Variants in VPS13D observed in about 807,000 individuals in gnomAD.
The protein encoded by VPS13D is vacuolar protein sorting 13 homolog D.
A neutral mutation model predicts 461.9 loss-of-function variants in VPS13D; 187 were observed. That is an observed-to-expected ratio of 0.40 (90% CI 0.36 to 0.46). The LOEUF (loss-of-function observed/expected upper bound fraction) is 0.46. VPS13D is among the 20% of genes least tolerant of loss of function. The probability of loss-of-function intolerance (pLI) is 0.60; values close to 1 mark genes in which losing one functional copy is unlikely to be tolerated. For synonymous variants in VPS13D, 1,951 were observed against 1,986.3 expected, an observed-to-expected ratio of 0.98 and a Z score of 0.47; for missense variants, 4,711 against 5,364.9, an observed-to-expected ratio of 0.88 and a Z score of 3.81.
At chr1:12,329,019 C>T (rs994987643) in intron 36 of VPS13D, among the ~76,000 whole-genome samples, 11 of 152,098 alleles carry the variant, frequency 7.2e-5, no homozygotes, top group African/African-American at 2.7e-4. Context: ...TAGGGCACCA[C>T]CAGGGCTACT....
At chr1:12,306,734 T>C (rs1642575487) in intron 26 of VPS13D, among the ~76,000 whole-genome samples, 1 of 152,112 alleles carries the variant, frequency 6.6e-6, no homozygotes, top group Non-Finnish European at 1.5e-5. Context: ...CAGGGACCAG[T>C]TTCATGGAAG....
intron 13 of VPS13D, among the ~76,000 whole-genome samples, chr1:12,265,786 A>G (rs979913467): frequency 6.6e-6 from 1 of 152,220 alleles, no homozygotes; most frequent in South Asian, 2.1e-4. Flanking sequence ...ATAAAGAGTT[A>G]TTTCTTACAG....
chr1:12,310,173 G>A (rs549994316), intron 27 of VPS13D, among the ~76,000 whole-genome samples: 10 of 152,158 alleles, frequency 6.6e-5, no homozygotes, highest in African/African-American at 2.2e-4. Flanking sequence ...GCAGATAATT[G>A]TATTCTGTTA....
intron 65 of VPS13D, among the ~76,000 whole-genome samples, chr1:12,420,336 G>A (rs1252157408): frequency 6.6e-6 from 1 of 152,162 alleles, no homozygotes; most frequent in African/African-American, 2.4e-5. Flanking sequence ...AGAGGAGTTT[G>A]AGGAAGTACA....
At chr1:12,334,785 AAAT>A (rs1193812738) in intron 38 of VPS13D, among the ~76,000 whole-genome samples, 1 of 152,098 alleles carries the variant, frequency 6.6e-6, no homozygotes, top group East Asian at 1.9e-4. Flanking sequence ...ACCAAACAAA[AAAT>A]CTTCCAAAAG....
At chr1:12,365,659 G>A (rs976475746) in intron 52 of VPS13D, among the ~76,000 whole-genome samples, 3 of 150,720 alleles carry the variant, frequency 2.0e-5, no homozygotes, top group South Asian at 2.1e-4. Context: ...ACCCGAGATC[G>A]TGCCGTTGCA....
At chr1:12,231,640 C>T (rs564301356) in intron 1 of VPS13D, among the ~76,000 whole-genome samples, 1 of 152,178 alleles carries the variant, frequency 6.6e-6, no homozygotes, top group South Asian at 2.1e-4. Flanking sequence ...GTTTGGAGTC[C>T]CCATAGTAAG....
chr1:12,458,421 G>A (rs1299201243), intron 66 of VPS13D, among the ~76,000 whole-genome samples: 4 of 152,130 alleles, frequency 2.6e-5, no homozygotes, highest in African/African-American at 4.8e-5. Flanking sequence ...TTTGGGAAAG[G>A]GCTGGGTGCA....
rs1400320733 is a variant in VPS13D at position 12,505,393 on chromosome 1, G to A, written c.12795-1460G>A. 6.6e-6 allele frequency among the ~76,000 whole-genome samples: 1 copy of A among 152,232 alleles called. No individual in the cohort carries two copies. The highest frequency in any genetic ancestry group is 1.5e-5 in the Non-Finnish European group (1 of 68,046). On this transcript the variant is annotated intron_variant, in intron 68 of 69. Transcript: ENST00000620676. The surrounding 1 kb of genome is among the most constrained non-coding windows in gnomAD (Gnocchi z 4.2). ...GAGTGGCCTAAACACTGAAGGCTGC[G>A]GGTCTTTCTAATTTCAGCATTGAGA...
chr1:12,422,833 G>T (rs1245153058), intron 65 of VPS13D, among the ~76,000 whole-genome samples: 1 of 150,974 alleles, frequency 6.6e-6, no homozygotes, highest in Non-Finnish European at 1.5e-5. Context: ...TCCAAGTCCA[G>T]CTAATTTTGA....
In VPS13D at chr1:12,260,788, A is replaced by G; in HGVS notation, c.1206A>G (p.Leu402=). ...ATCGATTTCACAAACAGGAAGAACTAGCAGAGGTAAGAAATCCTCTACAAG... is the reference window on the plus strand; with the variant it reads ...ATCGATTTCACAAACAGGAAGAACTGGCAGAGGTAAGAAATCCTCTACAAG... ...VHDRFHKQEE[L]AESLREPQFD... is the part of the protein sequence containing the mutation. The change falls in exon 11 of 70, where the codon CTA becomes CTG. Residue 402 remains leucine, a synonymous_variant. Transcript: ENST00000620676. 6.2e-7 allele frequency: 1 copy of G among 1,614,152 alleles called. No homozygotes were observed. The highest frequency in any genetic ancestry group is 8.5e-7 in the Non-Finnish European group (1 of 1,179,970).
At chr1:12,367,639 A>G (rs1157496327) in intron 52 of VPS13D, 1 of 151,844 alleles carries the variant, frequency 6.6e-6, no homozygotes. Flanking sequence ...CAGTGGCACA[A>G]TCTCGGCTCC....
rs971198467 is a variant in VPS13D at position 12,426,405 on chromosome 1, T to G, written c.12333+9578T>G. ...AAGCCATTTCCTGAACTTCACTCCT[T>G]TAAGCATTTCTAAACAACTAGGATA... On this transcript the variant is annotated intron_variant, in intron 65 of 69. Transcript: ENST00000620676. Among the ~76,000 whole-genome samples the G allele has an allele frequency of 2.6e-5, 4 of 152,198 alleles. No individual in the cohort carries two copies. In the South Asian group the frequency reaches 8.3e-4, roughly 32 times the overall value.
At chr1:12,270,814 C>T (rs1337015483) in intron 16 of VPS13D, among the ~76,000 whole-genome samples, 180 bp from the exon 17 acceptor site, 3 of 152,060 alleles carry the variant, frequency 2.0e-5, no homozygotes. Context: ...CTCCTGGGCT[C>T]AGGCATCCTC....
chr1:12,334,100 G>T (rs980233033), intron 38 of VPS13D, among the ~76,000 whole-genome samples: 1 of 152,216 alleles, frequency 6.6e-6, no homozygotes, highest in Non-Finnish European at 1.5e-5. Flanking sequence ...TGGTGTGTAT[G>T]TTGGATTGAG....
intron 50 of VPS13D, 128 bp from the exon 51 acceptor site, chr1:12,362,592 A>G (rs530921709): frequency 1.9e-4 from 175 of 923,424 alleles, no homozygotes; most frequent in Admixed American, 2.6e-4. Flanking sequence ...AGAAGGTTCA[A>G]TATCCTCTGG....
intron 39 of VPS13D, chr1:12,336,374 C>T (rs1177310302): frequency 6.5e-6 from 1 of 152,702 alleles, no homozygotes; most frequent in Non-Finnish European, 1.5e-5. Context: ...AGCTTGCTCT[C>T]TATTGATGAT....
At chr1:12,294,741 G>A (rs1202425946) in intron 24 of VPS13D, among the ~76,000 whole-genome samples, 1 of 152,166 alleles carries the variant, frequency 6.6e-6, no homozygotes, top group Non-Finnish European at 1.5e-5. Context: ...GAACCTGGGA[G>A]GCGGAGGTTG....
intron 68 of VPS13D, among the ~76,000 whole-genome samples, chr1:12,501,922 T>C (rs1009269216): frequency 6.6e-6 from 1 of 152,012 alleles, no homozygotes; most frequent in Non-Finnish European, 1.5e-5. Flanking sequence ...CAGAGCACAG[T>C]GCTGGGCAGA....
Sources: allele counts gnomAD v4.1 joint callset (sites outside exome capture counted in the v4.1 genomes callset), GRCh38; gene constraint gnomAD v4.1.1; non-coding constraint Gnocchi (gnomAD v3.1); transcripts MANE v1.5; gene names NCBI Gene and HGNC (gene_info 2026-07-23, HGNC 2026-07-21).